Variants in SERP2 observed in about 807,000 individuals in gnomAD.
The protein encoded by SERP2 is stress associated endoplasmic reticulum protein family member 2, also known as stress-associated endoplasmic reticulum protein 2.
In SERP2, 6 loss-of-function variants were observed where a neutral mutation model predicts 9.1. The observed-to-expected ratio is 0.66, with a 90% confidence interval of 0.36 to 1.30. SERP2 has a LOEUF of 1.30. SERP2 is among the 50% of genes most tolerant of loss of function. The probability of loss-of-function intolerance (pLI) is 0.03; values close to 1 mark genes in which losing one functional copy is unlikely to be tolerated. For missense variants in SERP2, 58 were observed against 81.9 expected, an observed-to-expected ratio of 0.71 and a Z score of 1.13; for synonymous variants, 37 against 27.3, an observed-to-expected ratio of 1.35 and a Z score of -1.10.
intron 2 of SERP2, among the ~76,000 whole-genome samples, chr13:44,380,050 A>C (rs1461212778): frequency 6.6e-6 from 1 of 152,204 alleles, no homozygotes; most frequent in South Asian, 2.1e-4. Flanking sequence ...CCTGTGATAA[A>C]TCCACATTCC....
intron 1 of SERP2, 113 bp downstream of exon 1, chr13:44,374,222 G>A: frequency 4.2e-6 from 3 of 708,908 alleles, no homozygotes; most frequent in Non-Finnish European, 4.1e-6. Flanking sequence ...CCCGGCTCCC[G>A]GCCCGCCCCT....
At chr13:44,375,735 T>TA (rs1295434713) in intron 1 of SERP2, among the ~76,000 whole-genome samples, 1 of 152,226 alleles carries the variant, frequency 6.6e-6, no homozygotes, top group Non-Finnish European at 1.5e-5. Context: ...CTTATCTGAT[T>TA]ACAAAAGTAA....
intron 2 of SERP2, among the ~76,000 whole-genome samples, chr13:44,393,996 T>A (rs187067549): frequency 1.3e-5 from 2 of 152,256 alleles, no homozygotes; most frequent in Non-Finnish European, 1.5e-5. Context: ...TGGACTCTTA[T>A]ATGTTAATTC....
At chr13:44,395,106 A>G (rs1455090764) in intron 2 of SERP2, among the ~76,000 whole-genome samples, 1 of 152,264 alleles carries the variant, frequency 6.6e-6, no homozygotes, top group African/African-American at 2.4e-5. Context: ...TCACAAGAAC[A>G]AAGTCTGAGG....
intron 1 of SERP2, among the ~76,000 whole-genome samples, chr13:44,377,544 C>A (rs994937921): frequency 4.6e-5 from 7 of 152,204 alleles, no homozygotes; most frequent in African/African-American, 1.7e-4. Flanking sequence ...CTGATCTTGT[C>A]CTCGTCTGAT....
intron 2 of SERP2, among the ~76,000 whole-genome samples, chr13:44,385,385 T>C (rs1216570149): frequency 6.6e-6 from 1 of 152,194 alleles, no homozygotes; most frequent in Non-Finnish European, 1.5e-5. Flanking sequence ...CACCCCTCAC[T>C]GCAAAGCCAG....
intron 2 of SERP2, chr13:44,390,603 C>T: frequency 3.2e-6 from 1 of 308,606 alleles, no homozygotes. Context: ...CCTTTGTGCC[C>T]TGGGGGCATT....
chr13:44,379,295 GCA>G (rs1871829960), intron 1 of SERP2, among the ~76,000 whole-genome samples: 2 of 152,128 alleles, frequency 1.3e-5, no homozygotes, highest in Admixed American at 1.3e-4. Flanking sequence ...GTAGTGCCTG[GCA>G]CAGAGCATTA....
In SERP2 at chr13:44,397,549, G is replaced by T. The variant is rs751586380; in HGVS notation, c.*237G>T. ...TTTTGCTTTTCTGTTGGCAGGATTA[G>T]TAGCCACGCGGGTCGTCCGCAGCAG... On this transcript the variant is annotated 3_prime_UTR_variant, in exon 3 of 3. Transcript: ENST00000379179. 7.6e-4 allele frequency: 431 copies of T among 564,834 alleles called. 1 individual carries two copies. The highest frequency in any genetic ancestry group is 1.3e-3 in the Non-Finnish European group (396 of 315,700). The allele number at this position is 564,834 out of a possible 1,614,324, so 35.0% of individuals were successfully genotyped here.
intron 2 of SERP2, among the ~76,000 whole-genome samples, chr13:44,387,664 T>G (rs771857699): frequency 1.2e-4 from 19 of 152,224 alleles, no homozygotes; most frequent in Non-Finnish European, 2.4e-4. Context: ...ATTGACAGGA[T>G]GCAGCAATCT....
chr13:44,392,001 C>G (rs1458578254), intron 2 of SERP2, among the ~76,000 whole-genome samples: 1 of 151,264 alleles, frequency 6.6e-6, no homozygotes, highest in Non-Finnish European at 1.5e-5. Flanking sequence ...TTGACACCAT[C>G]CTGGCCAACA....
rs909290601 is a variant in SERP2 at position 44,388,430 on chromosome 13, C to T, written c.157+8717C>T. On this transcript the variant is annotated intron_variant, in intron 2 of 2. Transcript: ENST00000379179. ...CTATGTTGCTGGATATTATGACTTT[C>T]TCATCGCCAGAGGGGAGCACACATC... Among the ~76,000 whole-genome samples, 3 of 152,208 alleles carry T rather than the reference C, an allele frequency of 2.0e-5. No individual in the cohort carries two copies. The South Asian group carries it at 6.2e-4, about 31-fold the overall frequency.
chr13:44,387,929 G>C (rs1191699973), intron 2 of SERP2, among the ~76,000 whole-genome samples: 10 of 152,160 alleles, frequency 6.6e-5, no homozygotes, highest in Non-Finnish European at 1.5e-4. Flanking sequence ...GAGATTATGA[G>C]AATTTTAATG....
intron 2 of SERP2, among the ~76,000 whole-genome samples, chr13:44,382,837 A>G (rs888595482): frequency 4.0e-4 from 61 of 152,178 alleles, no homozygotes; most frequent in Non-Finnish European, 6.0e-4. Context: ...GGGTACTTGC[A>G]GGCATTGGGA....
At chr13:44,381,760 C>T (rs908902810) in intron 2 of SERP2, among the ~76,000 whole-genome samples, 2 of 152,184 alleles carry the variant, frequency 1.3e-5, no homozygotes, top group Admixed American at 1.3e-4. Context: ...CTCAGATAAA[C>T]TTCCTGCAAC....
chr13:44,384,534 C>T (rs898570990), intron 2 of SERP2, among the ~76,000 whole-genome samples: 1 of 152,210 alleles, frequency 6.6e-6, no homozygotes, highest in Admixed American at 6.5e-5. Context: ...TGCCTGTTTG[C>T]AGCACGCACA....
chr13:44,393,626 C>T (rs1475634461), intron 2 of SERP2, among the ~76,000 whole-genome samples: 2 of 152,162 alleles, frequency 1.3e-5, no homozygotes, highest in Non-Finnish European at 2.9e-5. Flanking sequence ...GCCTGTTCTG[C>T]TGTTTTCTCA....
intron 2 of SERP2, among the ~76,000 whole-genome samples, chr13:44,395,594 A>T (rs1873048962): frequency 7.9e-6 from 1 of 127,288 alleles, no homozygotes; most frequent in African/African-American, 3.1e-5. Flanking sequence ...ACAGAGGAAG[A>T]CTCCGTCTCA....
At chr13:44,381,238 C>CAAAA (rs58535681) in intron 2 of SERP2, among the ~76,000 whole-genome samples, 8 of 46,016 alleles carry the variant, frequency 1.7e-4, no homozygotes, top group Admixed American at 6.5e-4. Context: ...AACTCCGTCT[C>CAAAA]AAAAAAAAAA....
Sources: gnomAD v4.1 joint callset for allele counts (sites outside exome capture counted in the v4.1 genomes callset) on GRCh38, gnomAD v4.1.1 for gene constraint, MANE v1.5 for transcripts, NCBI Gene and HGNC (gene_info 2026-07-23, HGNC 2026-07-21) for gene names.